Variants in SF1 observed in about 807,000 individuals in gnomAD.
SF1 encodes the protein branch point-binding protein.
Under a neutral mutation model 62.5 loss-of-function variants are expected in SF1, and 7 were observed. That is an observed-to-expected ratio of 0.11 (90% CI 0.06 to 0.21). The LOEUF (loss-of-function observed/expected upper bound fraction) is 0.21, where lower values mean the gene tolerates loss of function less well. SF1 is among the 10% of genes least tolerant of loss of function. The probability of loss-of-function intolerance (pLI) is 1.00; values close to 1 mark genes in which losing one functional copy is unlikely to be tolerated. For missense variants in SF1, 578 were observed against 884.0 expected (o/e 0.65, Z 4.39); for synonymous variants, 394 against 323.6 (o/e 1.22, Z -2.33).
At chr11:64,768,310 A>G in intron 8 of SF1, 24 bp from the exon 9 acceptor site, 1 of 1,606,958 alleles carries the variant, frequency 6.2e-7, no homozygotes, top group Non-Finnish European at 8.5e-7. Context: ...GGGGACACAA[A>G]CAGAGAAAGG....
Position 64,771,700 on chromosome 11 carries a change from T to C in SF1, c.237-1292A>G, listed in dbSNP as rs1483580296. ...CAAAAGCAAACATACCCCAGCTCAT[T>C]AGACTACCATCTTATACATTTAAGT... is the stretch of plus-strand genomic sequence containing the variant. On this transcript the variant is annotated intron_variant, in intron 3 of 12. Transcript: ENST00000377390. 7 of 985,314 alleles carry C rather than the reference T, an allele frequency of 7.1e-6. No individual in the cohort carries two copies. In the East Asian group the frequency reaches 3.4e-4, roughly 48 times the overall value. The allele number at this position is 985,314 out of a possible 1,614,324, so 61.0% of individuals were successfully genotyped here. A position where few individuals can be genotyped will look rare whatever the true frequency, so the allele number is the denominator to read the frequency against.
intron 3 of SF1, chr11:64,772,675 C>T: frequency 5.1e-6 from 5 of 985,238 alleles, no homozygotes; most frequent in Non-Finnish European, 6.0e-6. Context: ...TTTAGCTGTT[C>T]AATCAGCTAA....
At chr11:64,771,335 G>A in intron 3 of SF1, 1 of 546,458 alleles carries the variant, frequency 1.8e-6, no homozygotes, top group Non-Finnish European at 2.3e-6. Flanking sequence ...AGAATTTTGA[G>A]TTAAGATTAC....
chr11:64,772,206 G>T (rs1043000315), intron 3 of SF1: 2 of 985,086 alleles, frequency 2.0e-6, no homozygotes, highest in African/African-American at 3.5e-5. Flanking sequence ...AGCAAAGAAG[G>T]TTTGTTAAAA....
In SF1 at chr11:64,778,514, G is replaced by A. The variant is rs1271239826; in HGVS notation, c.-122C>T. 2.5e-6 allele frequency: 3 copies of A among 1,201,590 alleles called. No individual in the cohort carries two copies. The highest frequency in any genetic ancestry group is 3.2e-5 in the African/African-American group (2 of 62,932). The allele number at this position is 1,201,590 out of a possible 1,614,324, so 74.4% of individuals were successfully genotyped here. ...GAGCGCGCGGAGCCCGTCCTCTCAC[G>A]CGGCGGGCGGCGGCGGCGCGAGACG... On this transcript the variant is annotated 5_prime_UTR_variant, in exon 1 of 13. Transcript: ENST00000377390.
In SF1 at chr11:64,769,032, T is replaced by G. The variant is rs1565564426; in HGVS notation, c.877A>C (p.Lys293Gln). 1 of 1,612,160 alleles carries G rather than the reference T, an allele frequency of 6.2e-7. No individual in the cohort carries two copies. ...GAGCCAGCCCCTCACCTTTGGAATT[T>G]ACAGTCTGAAGCAATGTGGCCAGCC... is the stretch of plus-strand genomic sequence containing the variant. ...GGAGHIASDC[K>Q]FQRPGDPQSA... is the part of the protein sequence containing the mutation. The change falls in exon 8 of 13, where the codon AAA becomes CAA. Residue 293 changes from lysine (K) to glutamine (Q), a missense_variant. Physicochemically the swap from Lys to Gln is moderately conservative, Grantham distance 53. Coordinates refer to ENST00000377390, the MANE Select transcript of SF1 (RefSeq NM_004630.4).
intron 5 of SF1, 171 bp from the exon 6 acceptor site, chr11:64,769,780 T>C (rs2135923513): frequency 1.3e-6 from 1 of 748,208 alleles, no homozygotes; most frequent in Non-Finnish European, 2.2e-6. Flanking sequence ...ACCTGAGGAT[T>C]TGACTTCTCC....
rs637732 is a variant in SF1, at chr11:64,768,583, C to G, written c.888-297G>C. On this transcript the variant is annotated intron_variant, in intron 8 of 12. Transcript: ENST00000377390. ...CAAGTCAATTTCATCAAACTTCATT[C>G]CCAGTTTGAGGAAAGGAAAATCTAT... is the stretch of plus-strand genomic sequence containing the variant. Among the ~76,000 whole-genome samples, 49 of 152,342 alleles carry G rather than the reference C, an allele frequency of 3.2e-4. 1 individual carries two copies. Among genetic ancestry groups the G allele is most frequent in the African/African-American group, 1.2e-3 (49 of 41,580 alleles).
chr11:64,766,860 C>CCG, intron 12 of SF1, 40 bp downstream of exon 12: 1 of 639,306 alleles, frequency 1.6e-6, no homozygotes, highest in Non-Finnish European at 2.6e-6. Context: ...GCCCCACCCC[C>CCG]ATCCCACCCA....
In SF1 at chr11:64,776,425, A is replaced by G. The variant is rs775544870; in HGVS notation, c.160+73T>C. On this transcript the variant is annotated intron_variant, in intron 2 of 12. Transcript: ENST00000377390. ...AAGATAACTACAATCTCAAACTTTC[A>G]AAAAATGCAGATCTTGCTCAGAATA... 41 of 1,511,128 alleles carry G rather than the reference A, an allele frequency of 2.7e-5. No individual in the cohort carries two copies. The African/African-American group carries it at 5.2e-4, about 19-fold the overall frequency. 93.6% of individuals were successfully genotyped at this position (1,511,128 alleles called of 1,614,324 possible).
chr11:64,769,208 A>T lies in SF1; in HGVS notation c.779+15T>A, dbSNP rs771209936. 2 of 1,612,812 alleles carry T rather than the reference A, an allele frequency of 1.2e-6. No individual in the cohort carries two copies. Among genetic ancestry groups the T allele is most frequent in the South Asian group, 2.2e-5 (2 of 91,044 alleles). On this transcript the variant is annotated intron_variant, in intron 7 of 12. Transcript: ENST00000377390. ...TCTTCAGGTCTCTACACTCTCCTTT[A>T]AACTGATCACATACCTGTTATCGTC...
chr11:64,776,920 AGT>A (rs553353300), intron 1 of SF1, among the ~76,000 whole-genome samples: 52 of 152,320 alleles, frequency 3.4e-4, no homozygotes, highest in African/African-American at 1.2e-3. Flanking sequence ...GGCTGCAGAG[AGT>A]GTTAGATAGA....
Position 64,767,764 on chromosome 11 carries a change from A to C in SF1, c.1149T>G (p.His383Gln), listed in dbSNP as rs952200203. 4 of 1,613,582 alleles carry C rather than the reference A, an allele frequency of 2.5e-6. No individual in the cohort carries two copies. The highest frequency in any genetic ancestry group is 3.4e-6 in the Non-Finnish European group (4 of 1,179,744). Residue 383 changes from histidine to glutamine, a missense_variant, in exon 10 of 13, where the codon CAT (histidine) becomes CAG (glutamine). Physicochemically the swap from His to Gln is conservative, Grantham distance 24. Coordinates refer to ENST00000377390, the MANE Select transcript of SF1 (RefSeq NM_004630.4). Reference protein sequence around the residue: ...PSESRPYHGMHGGGPGGPGGG... With the variant: ...PSESRPYHGMQGGGPGGPGGG... ...CTCCGGGCCCACCAGGACCACCTCC[A>C]TGCATGCCGTGGTAGGGCCGACTCT...
At chr11:64,771,561 C>T (rs1938325609) in intron 3 of SF1, 1 of 985,404 alleles carries the variant, frequency 1.0e-6, no homozygotes, top group Non-Finnish European at 1.2e-6. Context: ...TGTCACACCA[C>T]GTTACACACA....
intron 8 of SF1, 65 bp from the exon 9 acceptor site, chr11:64,768,351 C>T (rs891734450): frequency 3.3e-5 from 48 of 1,466,086 alleles, no homozygotes; most frequent in Non-Finnish European, 4.2e-5. Context: ...AAGCTTTTAT[C>T]CTGAGGAACC....
At chr11:64,770,989 T>G (rs1217810945) in intron 3 of SF1, among the ~76,000 whole-genome samples, 1 of 152,214 alleles carries the variant, frequency 6.6e-6, no homozygotes, top group East Asian at 1.9e-4. Flanking sequence ...TTCAATGGCC[T>G]GGCTGGCTGT....
chr11:64,777,127 C>A (rs1358974585), intron 1 of SF1, among the ~76,000 whole-genome samples: 1 of 152,228 alleles, frequency 6.6e-6, no homozygotes, highest in East Asian at 1.9e-4. Flanking sequence ...AAGCCCAATT[C>A]TTCAACAAGA....
At position 64,776,514 on chromosome 11, in the gene SF1, T is replaced by C. The variant is rs1425745574; in HGVS notation, c.144A>G (p.Gln48=). ...TATATTTACCTATATAAGCTCTTTCTTGTTCTCGAGTAAGTCCAGGGGGAA... is the reference window on the plus strand; with the variant it reads ...TATATTTACCTATATAAGCTCTTTCCTGTTCTCGAGTAAGTCCAGGGGGAA... ...TVIPPGLTRE[Q]ERAYIVQLQI... Residue 48 remains glutamine, a synonymous_variant, in exon 2 of 13, where the codon CAA becomes CAG. Transcript: ENST00000377390. 1.3e-6 allele frequency: 2 copies of C among 1,561,494 alleles called. No homozygotes were observed. Among genetic ancestry groups the C allele is most frequent in the Non-Finnish European group, 1.7e-6 (2 of 1,159,522 alleles).
intron 2 of SF1, among the ~76,000 whole-genome samples, chr11:64,775,741 CTT>C (rs1431001653): frequency 6.6e-6 from 1 of 152,100 alleles, no homozygotes; most frequent in East Asian, 1.9e-4. Context: ...GCATTAAAAA[CTT>C]TTTTTTCCAA....
Sources: gnomAD v4.1 joint callset for allele counts (sites outside exome capture counted in the v4.1 genomes callset) on GRCh38, gnomAD v4.1.1 for gene constraint, MANE v1.5 for transcripts, NCBI Gene and HGNC (gene_info 2026-07-23, HGNC 2026-07-21) for gene names.